Variants in PHF24 observed in about 807,000 individuals in gnomAD.
PHF24 encodes PHD finger protein 24.
Under a neutral mutation model 42.6 loss-of-function variants are expected in PHF24, and 25 were observed. That is an observed-to-expected ratio of 0.59 (90% confidence interval 0.43 to 0.82). The LOEUF (loss-of-function observed/expected upper bound fraction) is 0.82. PHF24 is among the 40% of genes least tolerant of loss of function. The pLI is 0.00. For missense variants in PHF24, 470 were observed against 538.1 expected (o/e 0.87, Z 1.25); for synonymous variants, 185 against 204.8 (o/e 0.90, Z 0.83).
chr9:34,685,687 T>A, the PHF24 span, among the ~76,000 whole-genome samples: 49 of 152,272 alleles, frequency 3.2e-4, 1 homozygote, highest in East Asian at 9.1e-3. Context: ...TCCTTATACA[T>A]AGAATGGTAC....
chr9:34,722,593 G>A, the PHF24 span, among the ~76,000 whole-genome samples: 3 of 152,088 alleles, frequency 2.0e-5, no homozygotes, highest in Non-Finnish European at 4.4e-5. Flanking sequence ...ATAGTTCTTG[G>A]CACGTAATAA....
At chr9:34,979,345 G>A (rs1276521906) in exon 8 of PHF24, 1 of 152,254 alleles carries the variant, frequency 6.6e-6, no homozygotes, top group African/African-American at 2.4e-5. Context: ...TCCCCAGCAG[G>A]CTAGGGCTTG....
chr9:34,709,909 G>A, the PHF24 span: 2 of 1,614,192 alleles, frequency 1.2e-6, no homozygotes, highest in African/African-American at 2.7e-5. Flanking sequence ...TGCAGGGTGG[G>A]ATTCACAGGG....
At chr9:34,764,218 G>C in the PHF24 span, among the ~76,000 whole-genome samples, 1 of 152,260 alleles carries the variant, frequency 6.6e-6, no homozygotes, top group Non-Finnish European at 1.5e-5. Context: ...CTCATAAAAT[G>C]AATTAGGGAG....
At chr9:34,799,453 G>GTTA in the PHF24 span, among the ~76,000 whole-genome samples, 14 of 152,220 alleles carry the variant, frequency 9.2e-5, no homozygotes, top group Non-Finnish European at 1.6e-4. Flanking sequence ...TCATGTATTT[G>GTTA]TTATTATAAC....
the PHF24 span, among the ~76,000 whole-genome samples, chr9:34,770,486 T>C: frequency 3.9e-5 from 6 of 152,176 alleles, no homozygotes; most frequent in African/African-American, 1.4e-4. Flanking sequence ...TTCAAATATA[T>C]TTTCCTTTTG....
chr9:34,702,563 G>A, the PHF24 span, among the ~76,000 whole-genome samples: 2 of 152,186 alleles, frequency 1.3e-5, no homozygotes, highest in Admixed American at 6.5e-5. Flanking sequence ...AGAAAACAGA[G>A]CTTTCAGCTT....
the PHF24 span, among the ~76,000 whole-genome samples, chr9:34,782,853 C>A: frequency 6.6e-6 from 1 of 152,090 alleles, no homozygotes; most frequent in Non-Finnish European, 1.5e-5. Flanking sequence ...CTGCTCCAAA[C>A]CTATATCTTT....
the PHF24 span, chr9:34,723,516 C>T: frequency 1.7e-5 from 26 of 1,551,812 alleles, no homozygotes; most frequent in South Asian, 3.1e-4. Context: ...GTTTTGGCCA[C>T]CTTCGCAGCG....
the PHF24 span, chr9:34,917,099 C>A: frequency 1.3e-6 from 1 of 749,078 alleles, no homozygotes; most frequent in South Asian, 1.4e-5. Context: ...GGCCTCCTCT[C>A]CTCTCCTCTC....
chr9:34,869,282 G>A, the PHF24 span, among the ~76,000 whole-genome samples: 113,562 of 152,054 alleles, frequency 0.75, 42,689 homozygotes, highest in East Asian at 0.87. Flanking sequence ...TAATGGGATT[G>A]CTGGATCAGA....
chr9:34,932,704 C>CAATT, the PHF24 span, among the ~76,000 whole-genome samples: 1 of 151,560 alleles, frequency 6.6e-6, no homozygotes, highest in Non-Finnish European at 1.5e-5. Context: ...AAATATTTTA[C>CAATT]AATTAATAAG....
chr9:34,875,969 C>T, the PHF24 span, among the ~76,000 whole-genome samples: 1 of 132,546 alleles, frequency 7.5e-6, no homozygotes, highest in African/African-American at 2.6e-5. Flanking sequence ...CTCTCTCTCT[C>T]TCTCTCTCTC....
the PHF24 span, among the ~76,000 whole-genome samples, chr9:34,866,531 A>C: frequency 6.6e-6 from 1 of 152,220 alleles, no homozygotes; most frequent in African/African-American, 2.4e-5. Flanking sequence ...GTTATGAAAA[A>C]CCAACAGAAC....
the PHF24 span, among the ~76,000 whole-genome samples, chr9:34,946,859 T>C: frequency 8.5e-5 from 13 of 152,192 alleles, no homozygotes; most frequent in African/African-American, 2.9e-4. Flanking sequence ...AATTTGTAAT[T>C]AATTTGCTCT....
chr9:34,921,200 C>G, the PHF24 span, among the ~76,000 whole-genome samples: 1 of 146,628 alleles, frequency 6.8e-6, no homozygotes, highest in East Asian at 2.2e-4. Context: ...ATTCTTAAAA[C>G]TTTTATTCCA....
At chr9:34,898,980 T>C in the PHF24 span, among the ~76,000 whole-genome samples, 18 of 152,230 alleles carry the variant, frequency 1.2e-4, no homozygotes, top group Non-Finnish European at 1.8e-4. Context: ...AAAAATGGTC[T>C]CATGCCTTTT....
chr9:34,917,175 A>G, the PHF24 span: 2 of 1,413,386 alleles, frequency 1.4e-6, no homozygotes, highest in East Asian at 4.6e-5. Context: ...ACCTTCCACC[A>G]TGACCACCTC....
chr9:34,721,830 T>C, the PHF24 span, among the ~76,000 whole-genome samples: 3 of 152,216 alleles, frequency 2.0e-5, no homozygotes, highest in Admixed American at 6.5e-5. Flanking sequence ...CTCATCTTAA[T>C]TGGCTGACTG....
Sources: gnomAD v4.1 joint callset for allele counts (sites outside exome capture counted in the v4.1 genomes callset) on GRCh38, gnomAD v4.1.1 for gene constraint, MANE v1.5 for transcripts, NCBI Gene and HGNC (gene_info 2026-07-23, HGNC 2026-07-21) for gene names.